The following SBF2 variants were observed in gnomAD, a reference collection of about 807,000 sequenced individuals.
SBF2 encodes myotubularin-related protein 13.
In SBF2, 112 loss-of-function variants were observed where a neutral mutation model predicts 225.2. The ratio of observed to expected loss-of-function variants is 0.50; its 90% CI spans 0.43 to 0.58. The LOEUF (loss-of-function observed/expected upper bound fraction) is 0.58, where lower values mean the gene tolerates loss of function less well. Among genes scored for constraint, SBF2 ranks in the 20% least tolerant of loss-of-function variants. The pLI, the probability that SBF2 is intolerant of heterozygous loss-of-function variation, is 0.00. For missense variants in SBF2, 1,996 were observed against 2,206.2 expected, an observed-to-expected ratio of 0.90 and a Z score of 1.91; for synonymous variants, 763 against 773.3, an observed-to-expected ratio of 0.99 and a Z score of 0.22.
chr11:10,179,092 GA>G (rs2135278868), intron 2 of SBF2, among the ~76,000 whole-genome samples: 1 of 147,492 alleles, frequency 6.8e-6, no homozygotes, highest in South Asian at 2.1e-4. Flanking sequence ...ACTATCGCAA[GA>G]ACAAAAAACG....
At chr11:10,065,332 C>T (rs1950589463) in intron 2 of SBF2, among the ~76,000 whole-genome samples, 1 of 152,000 alleles carries the variant, frequency 6.6e-6, no homozygotes, top group African/African-American at 2.4e-5. Context: ...AATCGATGAA[C>T]TCAGTTTCCA....
intron 2 of SBF2, among the ~76,000 whole-genome samples, chr11:10,094,789 G>C (rs11607703): frequency 0.2 from 29,858 of 151,642 alleles, 3,865 homozygotes; most frequent in Non-Finnish European, 0.29. Context: ...ATAGGCATGA[G>C]CCACCGTCCC....
At chr11:9,827,107 G>A (rs1011603636) in intron 28 of SBF2, among the ~76,000 whole-genome samples, 3 of 152,026 alleles carry the variant, frequency 2.0e-5, no homozygotes, top group African/African-American at 7.3e-5. Context: ...CAAAGTGCTG[G>A]GATTATAGGC....
intron 30 of SBF2, chr11:9,810,400 CAATT>C (rs1263266792): frequency 2.0e-5 from 3 of 152,098 alleles, no homozygotes; most frequent in Admixed American, 6.6e-5. Flanking sequence ...CCTTAATAAA[CAATT>C]AAGGTATGAG....
At chr11:10,222,741 A>T (rs139402403) in intron 1 of SBF2, among the ~76,000 whole-genome samples, 8 of 152,238 alleles carry the variant, frequency 5.3e-5, no homozygotes, top group South Asian at 2.1e-4. Flanking sequence ...TAATTCAACA[A>T]ATATTTATTA....
chr11:10,227,151 T>C (rs1475592884), intron 1 of SBF2, among the ~76,000 whole-genome samples: 3 of 152,184 alleles, frequency 2.0e-5, no homozygotes, highest in Non-Finnish European at 2.9e-5. Context: ...TCATATCCTT[T>C]GCCCGCTTTT....
At chr11:9,788,023 C>A in intron 35 of SBF2, 2 of 432,448 alleles carry the variant, frequency 4.6e-6, no homozygotes, top group Non-Finnish European at 8.6e-6. Flanking sequence ...CAGACATCTG[C>A]ACCCTTGGGC....
intron 1 of SBF2, among the ~76,000 whole-genome samples, chr11:10,228,369 G>A (rs1958672712): frequency 6.6e-6 from 1 of 152,202 alleles, no homozygotes; most frequent in Non-Finnish European, 1.5e-5. Context: ...TTCAATAGGA[G>A]TGGTGAGAGA....
At chr11:9,946,909 C>T (rs1590568641) in intron 16 of SBF2, among the ~76,000 whole-genome samples, 2 of 152,192 alleles carry the variant, frequency 1.3e-5, no homozygotes, top group Admixed American at 1.3e-4. Flanking sequence ...ACAGATATAA[C>T]TGGGATAAGT....
chr11:10,262,279 T>A (rs185043927), intron 1 of SBF2, among the ~76,000 whole-genome samples: 5 of 152,324 alleles, frequency 3.3e-5, no homozygotes, highest in Non-Finnish European at 5.9e-5. Context: ...AATAAAATGT[T>A]AATTGTACAA....
At chr11:10,295,200 A>C (rs1964456825), upstream of SBF2, among the ~76,000 whole-genome samples, 1 of 152,138 alleles carries the variant, frequency 6.6e-6, no homozygotes, top group African/African-American at 2.4e-5. Flanking sequence ...GCTCACTATT[A>C]ATTGAGGGTT....
intron 9 of SBF2, among the ~76,000 whole-genome samples, chr11:9,996,830 A>G (rs1947725243): frequency 6.6e-6 from 1 of 152,230 alleles, no homozygotes; most frequent in African/African-American, 2.4e-5. Context: ...CCAAATCATC[A>G]CCATGCTTCA....
intron 2 of SBF2, among the ~76,000 whole-genome samples, chr11:10,074,258 C>G (rs972628504): frequency 1.3e-5 from 2 of 152,108 alleles, no homozygotes; most frequent in African/African-American, 4.8e-5. Flanking sequence ...AACAAGAAAA[C>G]CAAGAGAACC....
chr11:9,812,740 T>C, intron 29 of SBF2, 32 bp from the exon 30 acceptor site: 1 of 1,608,450 alleles, frequency 6.2e-7, no homozygotes, highest in Non-Finnish European at 8.5e-7. Context: ...ATTAGGCAGA[T>C]GAAGTGCTAT....
chr11:10,068,607 G>A (rs1213867589), intron 2 of SBF2, among the ~76,000 whole-genome samples: 2 of 152,020 alleles, frequency 1.3e-5, no homozygotes, highest in African/African-American at 4.8e-5. Context: ...ACCTTACGTA[G>A]CTTTTATAAA....
Position 9,853,574 on chromosome 11 carries a change from C to T in SBF2, c.2502G>A (p.Gln834=), listed in dbSNP as rs767317422. 2 of 1,613,958 alleles carry T rather than the reference C, an allele frequency of 1.2e-6. No individual in the cohort carries two copies. Among genetic ancestry groups the T allele is most frequent in the South Asian group, 2.2e-5 (2 of 91,068 alleles). ...TGCAATGAAGGCTCTTGATGTGATC[C>T]TGAGTAACTCCACTCTCTGTACAAA... ...DKVCTESGVT[Q]DHIKSLHCMI... Residue 834 remains glutamine (Q), a synonymous_variant, in exon 20 of 40, where the codon CAG becomes CAA. Coordinates refer to ENST00000256190, the MANE Select transcript of SBF2 (RefSeq NM_030962.4).
At chr11:9,794,412 C>A (rs558706120) in intron 33 of SBF2, among the ~76,000 whole-genome samples, 1 of 150,740 alleles carries the variant, frequency 6.6e-6, no homozygotes, top group Admixed American at 6.6e-5. Flanking sequence ...TGGTGGCTCA[C>A]GCCTGTAATC....
At chr11:10,204,913 A>T (rs1226845705) in intron 1 of SBF2, among the ~76,000 whole-genome samples, 1 of 151,272 alleles carries the variant, frequency 6.6e-6, no homozygotes, top group African/African-American at 2.4e-5. Context: ...TTAAGTAAAT[A>T]GTGGTGATGT....
chr11:9,986,807 C>T lies in SBF2; in HGVS notation c.1395+2690G>A, dbSNP rs180855022. On this transcript the variant is annotated intron_variant, in intron 13 of 39. Transcript: ENST00000256190. ...TAAAAAATTACCAACAAAAAAAAGT[C>T]GAGGACCAGATGGATTCACAGCAGA... 3.0e-4 allele frequency among the ~76,000 whole-genome samples: 46 copies of T among 152,126 alleles called. No homozygotes were observed. The East Asian group carries it at 8.1e-3, about 27-fold the overall frequency.
Sources: allele counts gnomAD v4.1 joint callset (sites outside exome capture counted in the v4.1 genomes callset), GRCh38; gene constraint gnomAD v4.1.1; transcripts MANE v1.5; gene names NCBI Gene and HGNC (gene_info 2026-07-23, HGNC 2026-07-21).